MAST2: variants seen among roughly 807,000 people sequenced by gnomAD.
MAST2 encodes the protein microtubule-associated serine/threonine-protein kinase 2.
MAST2 carries 70 observed loss-of-function variants against 147.4 expected under a neutral mutation model. The observed-to-expected ratio is 0.47, with a 90% CI of 0.39 to 0.58. The LOEUF is 0.58. MAST2 is among the 20% of genes least tolerant of loss of function. The pLI is 0.00. For missense variants in MAST2, 2,080 were observed against 2,302.3 expected, an observed-to-expected ratio of 0.90 and a Z score of 1.98; for synonymous variants, 869 against 896.8, an observed-to-expected ratio of 0.97 and a Z score of 0.55.
chr1:45,937,485 T>A (rs1209462202), intron 4 of MAST2, among the ~76,000 whole-genome samples: 1 of 151,870 alleles, frequency 6.6e-6, no homozygotes, highest in East Asian at 1.9e-4. Flanking sequence ...TACGGTGGCT[T>A]ACGCCTGTAA....
At chr1:45,964,972 A>G (rs1275428179) in intron 5 of MAST2, among the ~76,000 whole-genome samples, 13 of 151,950 alleles carry the variant, frequency 8.6e-5, no homozygotes, top group Non-Finnish European at 1.5e-5. Flanking sequence ...TCATTTCGTT[A>G]TGTACCCAGT....
intron 3 of MAST2, among the ~76,000 whole-genome samples, chr1:45,833,558 C>A (rs954240852): frequency 9.2e-5 from 14 of 152,098 alleles, no homozygotes; most frequent in African/African-American, 3.4e-4. Context: ...AGAGAAGTTG[C>A]TGAGTCATAT....
chr1:45,846,476 GTCTA>G (rs1359044611), intron 3 of MAST2, among the ~76,000 whole-genome samples: 1 of 152,072 alleles, frequency 6.6e-6, no homozygotes. Flanking sequence ...TGCAGATCAC[GTCTA>G]TCTATTTTAG....
rs141070598 is a variant in MAST2 at position 45,816,924 on chromosome 1, G to A, written c.178-7509G>A. On this transcript the variant is annotated intron_variant, in intron 1 of 28. Transcript: ENST00000361297. ...GATCTCCTGACCTCGTGATCCACCT[G>A]CCTCGGCTTCCCAAAGTGTTGGGAT... 5.9e-5 allele frequency among the ~76,000 whole-genome samples: 9 copies of A among 152,250 alleles called. No individual in the cohort carries two copies. The South Asian group carries it at 1.9e-3, about 32-fold the overall frequency.
intron 1 of MAST2, among the ~76,000 whole-genome samples, chr1:45,822,356 C>G (rs1246781088): frequency 4.0e-5 from 6 of 151,360 alleles, no homozygotes; most frequent in African/African-American, 1.5e-4. Flanking sequence ...ATTTATATTT[C>G]CTTTCCTTTG....
intron 1 of MAST2, among the ~76,000 whole-genome samples, chr1:45,817,078 A>G (rs1644478646): frequency 6.6e-6 from 1 of 152,200 alleles, no homozygotes; most frequent in South Asian, 2.1e-4. Context: ...AAGCATGCCT[A>G]CAAGATCTAG....
In MAST2 at chr1:45,879,572, CAAA is replaced by C. The variant is rs56115997; in HGVS notation, c.469-2775_469-2773del. On this transcript the variant is annotated intron_variant, in intron 3 of 28. Coordinates refer to ENST00000361297, the MANE Select transcript of MAST2 (RefSeq NM_015112.3). ...TGGGTGACAGAGCGAGACTCCATCT[CAAA>C]AAAAAAAAAAAAAAAAGGCACCACC... is the stretch of plus-strand genomic sequence containing the variant. Among the ~76,000 whole-genome samples the C allele has an allele frequency of 1.1e-4, 11 of 101,694 alleles. No individual in the cohort carries two copies. The East Asian group carries it at 2.2e-3, about 20-fold the overall frequency. 66.7% of individuals were successfully genotyped at this position (101,694 alleles called of 152,430 possible). A position where few individuals can be genotyped will look rare whatever the true frequency, so the allele number is the denominator to read the frequency against.
intron 1 of MAST2, among the ~76,000 whole-genome samples, chr1:45,816,891 A>G (rs937149316): frequency 5.9e-5 from 9 of 151,950 alleles, no homozygotes; most frequent in African/African-American, 2.2e-4. Context: ...GTCAACCAGG[A>G]TGGTCTCGAT....
intron 5 of MAST2, among the ~76,000 whole-genome samples, chr1:45,997,416 G>T (rs756089838): frequency 6.6e-6 from 1 of 152,162 alleles, no homozygotes; most frequent in Non-Finnish European, 1.5e-5. Flanking sequence ...CCTTCTGAAT[G>T]TTGGTTCACT....
At chr1:45,855,280 T>C (rs1315082430) in intron 3 of MAST2, among the ~76,000 whole-genome samples, 1 of 152,062 alleles carries the variant, frequency 6.6e-6, no homozygotes, top group South Asian at 2.1e-4. Context: ...GACCAAAAAA[T>C]ATATATTTTT....
intron 5 of MAST2, among the ~76,000 whole-genome samples, chr1:45,986,884 A>G (rs1644646902): frequency 6.6e-6 from 1 of 152,018 alleles, no homozygotes. Flanking sequence ...GGTAATGCTG[A>G]CCTCATAGTT....
intron 4 of MAST2, among the ~76,000 whole-genome samples, chr1:45,930,270 G>A (rs761727115): frequency 2.0e-5 from 3 of 151,948 alleles, no homozygotes; most frequent in Non-Finnish European, 2.9e-5. Flanking sequence ...TAGTAGAGAC[G>A]GGGTTTCACC....
intron 4 of MAST2, among the ~76,000 whole-genome samples, chr1:45,938,469 G>A (rs1052493173): frequency 6.6e-6 from 1 of 151,992 alleles, no homozygotes; most frequent in African/African-American, 2.4e-5. Context: ...GACCACAGGT[G>A]CACACCACCA....
At chr1:46,005,553 C>G (rs933597883) in intron 7 of MAST2, among the ~76,000 whole-genome samples, 1 of 152,140 alleles carries the variant, frequency 6.6e-6, no homozygotes, top group Non-Finnish European at 1.5e-5. Context: ...CACCCTCCCT[C>G]AGATGGCCTG....
At chr1:46,014,474 T>C (rs921935121) in intron 10 of MAST2, among the ~76,000 whole-genome samples, 10 of 151,812 alleles carry the variant, frequency 6.6e-5, no homozygotes, top group African/African-American at 2.4e-4. Flanking sequence ...TGATTTCCAA[T>C]TTCATCCATG....
At position 45,957,944 on chromosome 1, in the gene MAST2, C is replaced by T. The variant is rs564976095; in HGVS notation, c.501-1442C>T. Among the ~76,000 whole-genome samples, 7 of 152,098 alleles carry T rather than the reference C, an allele frequency of 4.6e-5. No homozygotes were observed. The South Asian group carries it at 1.2e-3, about 27-fold the overall frequency. On this transcript the variant is annotated intron_variant, in intron 4 of 28. Transcript: ENST00000361297. ...CTTTGGTGTCCTTGGGAGGTAGCAACGTTTCATTTGGAGCTAGAATTTAAA... is the reference window on the plus strand; with the variant it reads ...CTTTGGTGTCCTTGGGAGGTAGCAATGTTTCATTTGGAGCTAGAATTTAAA...
intron 4 of MAST2, among the ~76,000 whole-genome samples, chr1:45,899,070 G>C (rs959844784): frequency 5.9e-5 from 9 of 152,104 alleles, no homozygotes; most frequent in Non-Finnish European, 1.3e-4. Context: ...TCTTCCATCA[G>C]TCACTGTTAG....
chr1:45,871,880 G>C (rs912711326), intron 3 of MAST2, among the ~76,000 whole-genome samples: 1 of 152,134 alleles, frequency 6.6e-6, no homozygotes, highest in Admixed American at 6.5e-5. Context: ...TAGTGGCAGA[G>C]AATACCTTTT....
chr1:45,886,040 G>C (rs977307172), intron 4 of MAST2, among the ~76,000 whole-genome samples: 3 of 151,926 alleles, frequency 2.0e-5, no homozygotes, highest in African/African-American at 7.3e-5. Flanking sequence ...AAGGCAGGAG[G>C]ATCGCTTGAG....
Sources: allele counts gnomAD v4.1 joint callset (sites outside exome capture counted in the v4.1 genomes callset), GRCh38; gene constraint gnomAD v4.1.1; transcripts MANE v1.5; gene names NCBI Gene and HGNC (gene_info 2026-07-23, HGNC 2026-07-21).